Variants in CFAP206 observed in about 807,000 individuals in gnomAD.
CFAP206 encodes cilia- and flagella-associated protein 206.
Under a neutral mutation model 65.4 loss-of-function variants are expected in CFAP206, and 53 were observed. That is an observed-to-expected ratio of 0.81 (90% CI 0.65 to 1.02). The LOEUF (loss-of-function observed/expected upper bound fraction) is 1.02, where lower values mean the gene tolerates loss of function less well. CFAP206 is among the 50% of genes least tolerant of loss of function. CFAP206 has a pLI of 0.00. For synonymous variants in CFAP206, 250 were observed against 254.4 expected (o/e 0.98, Z 0.17); for missense variants, 663 against 753.2 (o/e 0.88, Z 1.40).
At chr6:87,427,803 A>C (rs1768073615) in intron 8 of CFAP206, among the ~76,000 whole-genome samples, 1 of 152,084 alleles carries the variant, frequency 6.6e-6, no homozygotes. Flanking sequence ...TCAGTCAGGA[A>C]AACAAACAAA....
intron 11 of CFAP206, among the ~76,000 whole-genome samples, chr6:87,460,521 G>A (rs1396546318): frequency 6.6e-6 from 1 of 152,118 alleles, no homozygotes; most frequent in East Asian, 1.9e-4. Flanking sequence ...CAAAATACAT[G>A]TTCTACAGAA....
At chr6:87,426,407 C>T in intron 7 of CFAP206, 119 bp from the exon 8 acceptor site, 1 of 656,854 alleles carries the variant, frequency 1.5e-6, no homozygotes, top group East Asian at 3.3e-5. Context: ...GGAGAACAGA[C>T]TTCCTGCTGT....
intron 11 of CFAP206, among the ~76,000 whole-genome samples, chr6:87,455,902 G>A (rs1562010996): frequency 6.6e-6 from 1 of 152,148 alleles, no homozygotes; most frequent in Non-Finnish European, 1.5e-5. Context: ...GGACCCAGTG[G>A]CTTCACTGCT....
At chr6:87,461,306 A>G in intron 12 of CFAP206, 141 bp downstream of exon 12, 1 of 526,464 alleles carries the variant, frequency 1.9e-6, no homozygotes, top group Non-Finnish European at 3.1e-6. Context: ...TATAATTTAT[A>G]ACTTGCTAGG....
chr6:87,423,241 T>C (rs13215723), intron 7 of CFAP206, among the ~76,000 whole-genome samples: 59 of 63,438 alleles, frequency 9.3e-4, no homozygotes, highest in African/African-American at 5.0e-3. Flanking sequence ...TTTATTTTTA[T>C]TTTTTTATTT....
intron 10 of CFAP206, among the ~76,000 whole-genome samples, chr6:87,432,751 G>A (rs2127952392): frequency 6.6e-6 from 1 of 152,336 alleles, no homozygotes; most frequent in East Asian, 1.9e-4. Flanking sequence ...AGAAGAAAGA[G>A]GGTGAAGTAG....
intron 11 of CFAP206, among the ~76,000 whole-genome samples, chr6:87,450,001 G>A (rs1410622666): frequency 6.6e-6 from 1 of 152,076 alleles, no homozygotes; most frequent in Non-Finnish European, 1.5e-5. Context: ...TTTACATATG[G>A]TGAGAGATAG....
intron 7 of CFAP206, among the ~76,000 whole-genome samples, chr6:87,423,226 AT>A (rs1184869062): frequency 2.8e-5 from 4 of 142,348 alleles, no homozygotes; most frequent in South Asian, 2.2e-4. Context: ...GCCTTAGAAT[AT>A]TTTTTTATTT....
At chr6:87,456,479 T>G (rs193108058) in intron 11 of CFAP206, among the ~76,000 whole-genome samples, 1 of 152,290 alleles carries the variant, frequency 6.6e-6, no homozygotes, top group East Asian at 1.9e-4. Context: ...TATGCCCACT[T>G]TTAACACTGT....
At chr6:87,445,248 C>A (rs1483219032) in intron 11 of CFAP206, 2 of 260,870 alleles carry the variant, frequency 7.7e-6, no homozygotes, top group African/African-American at 4.7e-5. Context: ...GCAGGACATG[C>A]AGGTTTATTA....
chr6:87,417,223 C>T (rs1767849443), intron 6 of CFAP206, among the ~76,000 whole-genome samples: 1 of 152,074 alleles, frequency 6.6e-6, no homozygotes, highest in Non-Finnish European at 1.5e-5. Context: ...AAAAGATCCA[C>T]GAGGAGATAT....
intron 7 of CFAP206, among the ~76,000 whole-genome samples, chr6:87,420,625 G>A (rs1767923359): frequency 1.3e-5 from 2 of 152,192 alleles, no homozygotes; most frequent in African/African-American, 2.4e-5. Flanking sequence ...AGGCGGCATA[G>A]TGCCTGGTGC....
intron 11 of CFAP206, among the ~76,000 whole-genome samples, chr6:87,448,690 C>T (rs899216280): frequency 6.6e-6 from 1 of 152,184 alleles, no homozygotes; most frequent in Non-Finnish European, 1.5e-5. Context: ...CACTATTCTA[C>T]TCCCTACTTA....
intron 10 of CFAP206, among the ~76,000 whole-genome samples, chr6:87,431,638 C>T (rs926435049): frequency 2.6e-5 from 4 of 152,116 alleles, no homozygotes; most frequent in East Asian, 1.9e-4. Flanking sequence ...TGGTGGCACA[C>T]GCCTGTAGTC....
rs55870560 is a variant in CFAP206, at chr6:87,450,475, ATGTGTGTGTGTGTGTGTGTGTGTG to A, written c.1495-10531_1495-10508del. Among the ~76,000 whole-genome samples, 14 of 130,402 alleles carry A rather than the reference ATGTGTGTGTGTGTGTGTGTGTGTG, an allele frequency of 1.1e-4. 1 individual carries two copies. The South Asian group carries it at 3.5e-3, about 32-fold the overall frequency. 85.5% of individuals were successfully genotyped at this position (130,402 alleles called of 152,430 possible). On this transcript the variant is annotated intron_variant, in intron 11 of 12. Transcript: ENST00000369562. ...ATATATTTCCTTTGAATAAATGAAAATGTGTGTGTGTGTGTGTGTGTGTGTGTGTGTGTGTGTGTAATTTTGGAG... is the reference window on the plus strand; with the variant it reads ...ATATATTTCCTTTGAATAAATGAAAATGTGTGTGTGTGTGTAATTTTGGAG...
At chr6:87,439,555 C>T (rs1562249225) in intron 11 of CFAP206, among the ~76,000 whole-genome samples, 1 of 151,936 alleles carries the variant, frequency 6.6e-6, no homozygotes, top group Non-Finnish European at 1.5e-5. Flanking sequence ...ATGAACAAGT[C>T]TTTTATTTTA....
In CFAP206 at chr6:87,431,167, C is replaced by T. The variant is rs1768149308; in HGVS notation, c.1294C>T (p.Leu432Phe). The T allele has an allele frequency of 1.9e-6, 3 of 1,613,320 alleles. No individual in the cohort carries two copies. Among genetic ancestry groups the T allele is most frequent in the African/African-American group, 1.3e-5 (1 of 74,860 alleles). ...GTTTGCTGCAACAGATGGTCTTCTC[C>T]TTCCAGGTATATCATTGGAAATGAG... ...YTFAATDGLL[L>F]PGNPAIGILK... is the part of the protein sequence containing the mutation. The change falls in exon 10 of 13, where the codon CTT becomes TTT. Residue 432 changes from leucine to phenylalanine, a missense_variant. Coordinates refer to ENST00000369562, the MANE Select transcript of CFAP206 (RefSeq NM_001031743.3).
chr6:87,447,951 T>TTATTATTATTATTATTATTATTA (rs71554721), intron 11 of CFAP206, among the ~76,000 whole-genome samples: 4 of 146,866 alleles, frequency 2.7e-5, no homozygotes, highest in South Asian at 4.3e-4. Context: ...CTAGATTTTC[T>TTATTATTATTATTATTATTATTA]TTATTATTAT....
At chr6:87,461,483 T>G (rs2127958208) in intron 12 of CFAP206, among the ~76,000 whole-genome samples, 1 of 152,226 alleles carries the variant, frequency 6.6e-6, no homozygotes, top group Non-Finnish European at 1.5e-5. Context: ...GTTTGTTTTT[T>G]GGACCTTTTC....
Sources: gnomAD v4.1 joint callset for allele counts (sites outside exome capture counted in the v4.1 genomes callset) on GRCh38, gnomAD v4.1.1 for gene constraint, MANE v1.5 for transcripts, NCBI Gene and HGNC (gene_info 2026-07-23, HGNC 2026-07-21) for gene names.